The following EBF4 variants were observed in gnomAD, a reference collection of about 807,000 sequenced individuals.
The protein encoded by EBF4 is transcription factor COE4.
Under a neutral mutation model 67.1 loss-of-function variants are expected in EBF4, and 34 were observed. The observed-to-expected ratio is 0.51, with a 90% CI of 0.39 to 0.67. EBF4 has a LOEUF of 0.67. Ranked by LOEUF, EBF4 falls within the 30% of genes least tolerant of loss-of-function variation. The pLI is 0.00. For missense variants in EBF4, 837 were observed against 873.3 expected (o/e 0.96, Z 0.52); for synonymous variants, 387 against 377.7 (o/e 1.02, Z -0.29).
intron 6 of EBF4, among the ~76,000 whole-genome samples, chr20:2,736,634 G>A (rs1424039615): frequency 6.6e-6 from 1 of 152,158 alleles, no homozygotes; most frequent in Non-Finnish European, 1.5e-5. Context: ...CCTCCCTGCT[G>A]GGTCAGTGCT....
chr20:2,706,242 T>C, exon 4 of EBF4: 2 of 1,552,196 alleles, frequency 1.3e-6, no homozygotes, highest in South Asian at 2.4e-5. Flanking sequence ...TACGTGCGTC[T>C]CATCGACTCC....
Position 2,747,641 on chromosome 20 carries a change from G to A in EBF4, c.558-908G>A, listed in dbSNP as rs2088071637. Among the ~76,000 whole-genome samples the A allele has an allele frequency of 6.6e-6, 1 of 152,192 alleles. No individual in the cohort carries two copies. The highest frequency in any genetic ancestry group is 1.5e-5 in the Non-Finnish European group (1 of 68,040). On this transcript the variant is annotated intron_variant, in intron 6 of 16. Transcript: ENST00000609451. This position sits in a 1 kb window ranked among gnomAD's most constrained non-coding sequence, Gnocchi z 4.6. ...TATAATGGATATAAAATGTGTGGGAGGAGGATATGCCATGTGGGAGGTGAA... is the reference window on the plus strand; with the variant it reads ...TATAATGGATATAAAATGTGTGGGAAGAGGATATGCCATGTGGGAGGTGAA...
At chr20:2,758,256 G>C (rs942011548) in intron 15 of EBF4, among the ~76,000 whole-genome samples, 3 of 152,242 alleles carry the variant, frequency 2.0e-5, no homozygotes, top group Admixed American at 6.5e-5. Context: ...AGCCAGTAGC[G>C]TGAAGTCAAA....
chr20:2,700,645 G>C (rs1158125002), intron 1 of EBF4, among the ~76,000 whole-genome samples: 1 of 152,134 alleles, frequency 6.6e-6, no homozygotes, highest in Non-Finnish European at 1.5e-5. Flanking sequence ...CTCCTGAGCT[G>C]TTTGAGTCTC....
At position 2,755,651 on chromosome 20, in the gene EBF4, C is replaced by G; in HGVS notation, c.1565C>G (p.Ala522Gly). The change falls in exon 15 of 17, where the codon GCG (alanine) becomes GGG (glycine). Residue 522 changes from alanine to glycine, a missense_variant. This residue lies in a region of EBF4 where 525 missense variants were observed against 496.5 expected (regional missense o/e 1.06). Coordinates refer to ENST00000609451, the Ensembl canonical transcript of EBF4. This position sits in a 1 kb window ranked among gnomAD's most constrained non-coding sequence, Gnocchi z 4.7. ...GTCATGCCCTCTAGCCCCCCGCTGG[C>G]GGCTGCCTCCTCCATGTCCCTCCCG... 7.1e-7 allele frequency: 1 copy of G among 1,410,734 alleles called. No individual in the cohort carries two copies. The highest frequency in any genetic ancestry group is 9.4e-7 in the Non-Finnish European group (1 of 1,059,552). The allele number at this position is 1,410,734 out of a possible 1,614,324, so 87.4% of individuals were successfully genotyped here. A position where few individuals can be genotyped will look rare whatever the true frequency, so the allele number is the denominator to read the frequency against.
At chr20:2,693,245 G>GC (rs1444285159), upstream of EBF4, 1 of 155,596 alleles carries the variant, frequency 6.4e-6, no homozygotes, top group East Asian at 1.9e-4. This position sits in a 1 kb window ranked among gnomAD's most constrained non-coding sequence, Gnocchi z 4.6. Context: ...CCCCCGCCTT[G>GC]CCCGAGGCAG....
chr20:2,700,019 G>A (rs1469429415), intron 1 of EBF4, among the ~76,000 whole-genome samples: 1 of 152,196 alleles, frequency 6.6e-6, no homozygotes, highest in Non-Finnish European at 1.5e-5. Context: ...GCTCTGCTCA[G>A]CCCAGAAGTA....
intron 1 of EBF4, among the ~76,000 whole-genome samples, chr20:2,694,827 C>G (rs742706): frequency 0.085 from 12,891 of 152,168 alleles, 1,729 homozygotes; most frequent in African/African-American, 0.29. Flanking sequence ...CAAACTGAAG[C>G]CGTTTCTGCA....
At chr20:2,697,331 G>A (rs1303620930) in intron 1 of EBF4, among the ~76,000 whole-genome samples, 1 of 152,068 alleles carries the variant, frequency 6.6e-6, no homozygotes, top group Non-Finnish European at 1.5e-5. Context: ...AGATCACGAG[G>A]TCAGGAGATC....
intron 2 of EBF4, 114 bp downstream of exon 2, chr20:2,705,847 A>G: frequency 6.9e-7 from 1 of 1,448,524 alleles, no homozygotes; most frequent in South Asian, 1.4e-5. Flanking sequence ...ACTGGGACAG[A>G]TGAATGGATG....
intron 6 of EBF4, among the ~76,000 whole-genome samples, chr20:2,710,507 C>T (rs1402624370): frequency 1.3e-5 from 2 of 150,318 alleles, no homozygotes; most frequent in Admixed American, 1.3e-4. Context: ...TGGTACAAAA[C>T]AGTAAATAAT....
chr20:2,751,513 G>A lies in EBF4; in HGVS notation c.1019-187G>A, dbSNP rs942199328. On this transcript the variant is annotated intron_variant, in intron 10 of 16. Coordinates refer to ENST00000609451, the Ensembl canonical transcript of EBF4. The surrounding 1 kb of genome is among the most constrained non-coding windows in gnomAD (Gnocchi z 5.2). ...TGTTGAGTAAACAAACGAAAGAACT[G>A]AAACTTCCCTGAATCTCGCTGCCGG... is the stretch of plus-strand genomic sequence containing the variant. Among the ~76,000 whole-genome samples, 9 of 152,286 alleles carry A rather than the reference G, an allele frequency of 5.9e-5. No homozygotes were observed. In the South Asian group the frequency reaches 6.2e-4, roughly 11 times the overall value.
chr20:2,746,808 T>G (rs1367618819), intron 6 of EBF4, among the ~76,000 whole-genome samples: 4 of 152,074 alleles, frequency 2.6e-5, no homozygotes, highest in Admixed American at 2.6e-4. Context: ...ATCTCCCAAT[T>G]GGGTGGAGGT....
exon 13 of EBF4, chr20:2,752,170 C>A: frequency 6.9e-7 from 1 of 1,443,818 alleles, no homozygotes; most frequent in Non-Finnish European, 9.1e-7. Context: ...ACCCCTGGCC[C>A]CGAGCCACCC....
chr20:2,753,509 G>A (rs1282792743), intron 14 of EBF4, among the ~76,000 whole-genome samples: 2 of 152,226 alleles, frequency 1.3e-5, no homozygotes, highest in African/African-American at 4.8e-5. Context: ...CAGGGCTTGG[G>A]GGATCCCCCC....
chr20:2,752,984 G>GC (rs926214754), intron 14 of EBF4, among the ~76,000 whole-genome samples: 2 of 152,104 alleles, frequency 1.3e-5, no homozygotes, highest in African/African-American at 4.8e-5. Flanking sequence ...GCTTCCAGCC[G>GC]CCCCCCAGCT....
chr20:2,727,332 G>A (rs2087759069), intron 6 of EBF4, among the ~76,000 whole-genome samples: 1 of 151,544 alleles, frequency 6.6e-6, no homozygotes, highest in African/African-American at 2.4e-5. Context: ...CATTTTTTTG[G>A]ATATACAGTC....
At chr20:2,732,481 A>G (rs1321904176) in intron 6 of EBF4, among the ~76,000 whole-genome samples, 1 of 152,238 alleles carries the variant, frequency 6.6e-6, no homozygotes, top group Non-Finnish European at 1.5e-5. Flanking sequence ...CACTTTTATC[A>G]TTATAACATG....
intron 6 of EBF4, among the ~76,000 whole-genome samples, chr20:2,744,492 C>CTT (rs35298353): frequency 0.036 from 4,123 of 115,618 alleles, 451 homozygotes; most frequent in African/African-American, 0.11. Flanking sequence ...TTTTTCTTTT[C>CTT]TTTTTTTTTT....
Sources: gnomAD v4.1 joint callset for allele counts (sites outside exome capture counted in the v4.1 genomes callset) on GRCh38, gnomAD v4.1.1 for gene constraint, gnomAD v4.1.1 regional missense constraint, Gnocchi (gnomAD v3.1) non-coding constraint, MANE v1.5 for transcripts, NCBI Gene and HGNC (gene_info 2026-07-23, HGNC 2026-07-21) for gene names.